Variants in SIM2 observed in about 807,000 individuals in gnomAD.
The protein encoded by SIM2 is single-minded homolog 2.
A neutral mutation model predicts 64.8 loss-of-function variants in SIM2; 28 were observed. The ratio of observed to expected loss-of-function variants is 0.43; its 90% confidence interval spans 0.32 to 0.59. The LOEUF (loss-of-function observed/expected upper bound fraction) is 0.59, where lower values mean the gene tolerates loss of function less well. SIM2 is among the 20% of genes least tolerant of loss of function. The probability of loss-of-function intolerance (pLI) is 0.07; values close to 1 mark genes in which losing one functional copy is unlikely to be tolerated. For missense variants in SIM2, 847 were observed against 871.4 expected, an observed-to-expected ratio of 0.97 and a Z score of 0.35; for synonymous variants, 408 against 391.1, an observed-to-expected ratio of 1.04 and a Z score of -0.51.
At chr21:36,712,406 TGCA>T in intron 2 of SIM2, 124 bp from the exon 3 acceptor site, 1 of 642,016 alleles carries the variant, frequency 1.6e-6, no homozygotes, top group Admixed American at 3.2e-5. Context: ...GCTTCATTTT[TGCA>T]TTTAGCAAGT....
At chr21:36,706,366 C>T (rs977501363) in intron 1 of SIM2, among the ~76,000 whole-genome samples, 2 of 152,130 alleles carry the variant, frequency 1.3e-5, no homozygotes, top group Admixed American at 6.5e-5. Flanking sequence ...CCCCTCCCCC[C>T]AGCCGCAACC....
intron 5 of SIM2, among the ~76,000 whole-genome samples, chr21:36,725,144 G>A (rs1377297923): frequency 4.6e-5 from 7 of 152,098 alleles, no homozygotes; most frequent in Non-Finnish European, 4.4e-5. Flanking sequence ...CCAGGGGTTC[G>A]AGACCAGTCT....
chr21:36,712,920 T>C (rs1446247790), intron 3 of SIM2, among the ~76,000 whole-genome samples: 2 of 152,216 alleles, frequency 1.3e-5, no homozygotes, highest in Admixed American at 1.3e-4. Context: ...GTAGTAATGC[T>C]AGATGCCCTG....
In SIM2 at chr21:36,726,105, C is replaced by T. The variant is rs1568933165; in HGVS notation, c.544-14C>T. 1.9e-6 allele frequency: 3 copies of T among 1,610,314 alleles called. No homozygotes were observed. Among genetic ancestry groups the T allele is most frequent in the East Asian group, 2.2e-5 (1 of 44,842 alleles). On this transcript the variant is annotated splice_polypyrimidine_tract_variant and intron_variant, in intron 5 of 10. Coordinates refer to ENST00000290399, the MANE Select transcript of SIM2 (RefSeq NM_005069.6). The surrounding 1 kb of genome is among the most constrained non-coding windows in gnomAD (Gnocchi z 4.5). ...CCAGTGGCCAGTGGCTGACCCTGCC[C>T]TCTCCACTCCCAGGTCATCCACTGC...
At chr21:36,721,433 T>TTTTTG (rs1223150595) in intron 4 of SIM2, among the ~76,000 whole-genome samples, 1 of 152,018 alleles carries the variant, frequency 6.6e-6, no homozygotes, top group Non-Finnish European at 1.5e-5. Flanking sequence ...ACAGTACGGT[T>TTTTTG]TTTTGTTTTG....
intron 1 of SIM2, among the ~76,000 whole-genome samples, chr21:36,707,569 T>C (rs1415664696): frequency 6.6e-6 from 1 of 152,156 alleles, no homozygotes; most frequent in Non-Finnish European, 1.5e-5. Context: ...CATCCCTTTT[T>C]AAATTGAGGA....
chr21:36,711,676 G>A (rs998128365), intron 2 of SIM2, among the ~76,000 whole-genome samples: 1 of 152,192 alleles, frequency 6.6e-6, no homozygotes, highest in Non-Finnish European at 1.5e-5. Flanking sequence ...ATTGTGGGTT[G>A]TATGAGTCTT....
intron 1 of SIM2, 104 bp downstream of exon 1, chr21:36,700,025 G>C: frequency 8.1e-7 from 1 of 1,232,048 alleles, no homozygotes; most frequent in East Asian, 2.6e-5. Context: ...GCGGCCTGGC[G>C]TCCAGAGCTG....
At chr21:36,709,143 C>G (rs189232961) in intron 1 of SIM2, 25 bp from the exon 2 acceptor site, 2 of 1,595,736 alleles carry the variant, frequency 1.3e-6, no homozygotes, top group South Asian at 2.3e-5. Context: ...TGCAGTTTAC[C>G]GATTTGCTTT....
At chr21:36,722,583 G>T (rs1356077351) in intron 4 of SIM2, among the ~76,000 whole-genome samples, 1 of 152,180 alleles carries the variant, frequency 6.6e-6, no homozygotes, top group East Asian at 1.9e-4. Flanking sequence ...AAAGCAAAGT[G>T]AGTGAGTGGG....
At chr21:36,733,705 G>T (rs901902670) in intron 7 of SIM2, among the ~76,000 whole-genome samples, 5 of 152,054 alleles carry the variant, frequency 3.3e-5, no homozygotes, top group Non-Finnish European at 5.9e-5. Flanking sequence ...GACTACAGGC[G>T]CCCGCCAGCA....
intron 7 of SIM2, among the ~76,000 whole-genome samples, chr21:36,736,965 C>T (rs2089068694): frequency 6.6e-6 from 1 of 151,788 alleles, no homozygotes; most frequent in Non-Finnish European, 1.5e-5. Flanking sequence ...CTCACTCTGT[C>T]ACCCAGTCTG....
intron 1 of SIM2, among the ~76,000 whole-genome samples, chr21:36,702,514 G>A (rs530563951): frequency 6.6e-6 from 1 of 152,250 alleles, no homozygotes; most frequent in Admixed American, 6.5e-5. Flanking sequence ...TCAGTCTGGG[G>A]CTGAGGAGTA....
At chr21:36,719,786 G>C (rs2088797798) in intron 3 of SIM2, 35 bp from the exon 4 acceptor site, 1 of 1,302,660 alleles carries the variant, frequency 7.7e-7, no homozygotes, top group Non-Finnish European at 1.1e-6. Context: ...TCCCAGAGAG[G>C]CGGTGGCATT....
At chr21:36,728,824 G>A (rs1441742050) in intron 6 of SIM2, among the ~76,000 whole-genome samples, 1 of 152,242 alleles carries the variant, frequency 6.6e-6, no homozygotes, top group Non-Finnish European at 1.5e-5. Flanking sequence ...AAGTCCAGCG[G>A]CCCCAAGTCA....
chr21:36,720,839 C>T (rs748843909), intron 4 of SIM2, among the ~76,000 whole-genome samples: 11 of 152,202 alleles, frequency 7.2e-5, no homozygotes, highest in Non-Finnish European at 1.3e-4. Context: ...CTCCAACCAT[C>T]CAGTGAGGCC....
In SIM2 at chr21:36,732,300, G is replaced by A. The variant is rs1312218214; in HGVS notation, c.850+1149G>A. On this transcript the variant is annotated intron_variant, in intron 7 of 10. Coordinates refer to ENST00000290399, the MANE Select transcript of SIM2 (RefSeq NM_005069.6). ...CCAGTCGGGGGTGCTTTATAATGGG[G>A]TGCAGACAGTTAGAGGAGCTGGGTC... 2.6e-5 allele frequency among the ~76,000 whole-genome samples: 4 copies of A among 152,214 alleles called. No homozygotes were observed. In the East Asian group the frequency reaches 7.7e-4, roughly 29 times the overall value.
chr21:36,719,520 G>A (rs145699303), intron 3 of SIM2, among the ~76,000 whole-genome samples: 7 of 152,214 alleles, frequency 4.6e-5, no homozygotes, highest in East Asian at 1.9e-4. Flanking sequence ...CAGCAGCGCC[G>A]CCCACCTCTG....
intron 3 of SIM2, among the ~76,000 whole-genome samples, chr21:36,714,899 T>C (rs918514930): frequency 4.6e-5 from 7 of 152,350 alleles, no homozygotes; most frequent in African/African-American, 1.7e-4. Context: ...GTTGAAGTAC[T>C]CTATTTCCTC....
Sources: gnomAD v4.1 joint callset for allele counts (sites outside exome capture counted in the v4.1 genomes callset) on GRCh38, gnomAD v4.1.1 for gene constraint, Gnocchi (gnomAD v3.1) non-coding constraint, MANE v1.5 for transcripts, NCBI Gene and HGNC (gene_info 2026-07-23, HGNC 2026-07-21) for gene names.